Variants in MAP3K20 observed in about 807,000 individuals in gnomAD.
MAP3K20 encodes the protein mitogen-activated protein kinase kinase kinase 20, also known as HCCS-4.
MAP3K20 carries 40 observed loss-of-function variants against 85.7 expected under a neutral mutation model. The observed-to-expected ratio is 0.47, with a 90% CI of 0.36 to 0.61. The LOEUF is 0.61. Among genes scored for constraint, MAP3K20 ranks in the 20% least tolerant of loss-of-function variants. The pLI is 0.00. For missense variants in MAP3K20, 817 were observed against 961.7 expected (o/e 0.85, Z 1.99); for synonymous variants, 325 against 327.7 (o/e 0.99, Z 0.09).
rs547747682 is a variant in MAP3K20 at position 173,138,255 on chromosome 2, T to C, written c.160-31550T>C. Among the ~76,000 whole-genome samples the C allele has an allele frequency of 4.7e-4, 72 of 152,290 alleles. 1 individual carries two copies. The Middle Eastern group carries it at 0.017, about 36-fold the overall frequency. ...AAGTGCTGGGATTATAGGCGTGAGC[T>C]ACCGTGCCTGGCAAATACTTGTGAT... On this transcript the variant is annotated intron_variant, in intron 2 of 19. Transcript: ENST00000375213.
rs1298790898 is a variant in MAP3K20 at position 173,077,083 on chromosome 2, G to C, written c.-35+1081G>C. ...AACACAATTTAGGGGCCCATTCCAA[G>C]TATGGTACAGTAAGCAGCTCTCGAT... On this transcript the variant is annotated intron_variant, in intron 1 of 19. Transcript: ENST00000375213. Among the ~76,000 whole-genome samples, 5 of 152,278 alleles carry C rather than the reference G, an allele frequency of 3.3e-5. No individual in the cohort carries two copies. The East Asian group carries it at 9.6e-4, about 29-fold the overall frequency.
intron 5 of MAP3K20, among the ~76,000 whole-genome samples, chr2:173,189,835 C>G (rs1028287990): frequency 6.6e-6 from 1 of 152,144 alleles, no homozygotes; most frequent in Non-Finnish European, 1.5e-5. Flanking sequence ...CCTAGGTGAT[C>G]CTACATCCTA....
At position 173,206,899 on chromosome 2, in the gene MAP3K20, T is replaced by C. The variant is rs533798608; in HGVS notation, c.745-2830T>C. 1.3e-5 allele frequency among the ~76,000 whole-genome samples: 2 copies of C among 151,222 alleles called. 1 individual carries two copies. Among genetic ancestry groups the C allele is most frequent in the South Asian group, 4.2e-4 (2 of 4,740 alleles). On this transcript the variant is annotated intron_variant, in intron 9 of 19. Coordinates refer to ENST00000375213, the MANE Select transcript of MAP3K20 (RefSeq NM_016653.3). Reference sequence around the variant, plus strand: ...TTCAACCAGAAGTTAGTGCCAGTCCTATGCACATATGTAGAGCAATAAAGT... The same window carrying C: ...TTCAACCAGAAGTTAGTGCCAGTCCCATGCACATATGTAGAGCAATAAAGT...
chr2:173,134,418 A>ATTTTTTTTT (rs1559246078), intron 2 of MAP3K20, among the ~76,000 whole-genome samples: 6 of 6,148 alleles, frequency 9.8e-4, no homozygotes, highest in Middle Eastern at 0.25. Flanking sequence ...ATATATATAT[A>ATTTTTTTTT]TATATATATA....
intron 7 of MAP3K20, among the ~76,000 whole-genome samples, chr2:173,197,296 C>G (rs1401807963): frequency 6.6e-6 from 1 of 152,166 alleles, no homozygotes; most frequent in African/African-American, 2.4e-5. Context: ...GCATTCCACT[C>G]AGATTTAATA....
chr2:173,162,006 A>G (rs1689673614), intron 2 of MAP3K20, among the ~76,000 whole-genome samples: 2 of 152,226 alleles, frequency 1.3e-5, no homozygotes, highest in Non-Finnish European at 2.9e-5. Flanking sequence ...TATATATTAC[A>G]TATAACATGC....
intron 2 of MAP3K20, among the ~76,000 whole-genome samples, chr2:173,145,651 A>G (rs1002455476): frequency 2.6e-5 from 4 of 152,194 alleles, no homozygotes; most frequent in African/African-American, 4.8e-5. Context: ...GCACATTCTC[A>G]TATGTTTTTG....
At chr2:173,266,005 G>A in intron 19 of MAP3K20, 45 bp from the exon 20 acceptor site, 1 of 1,518,374 alleles carries the variant, frequency 6.6e-7, no homozygotes, top group South Asian at 1.3e-5. Context: ...TAGACATGCA[G>A]CTTTAGTGTG....
intron 2 of MAP3K20, among the ~76,000 whole-genome samples, chr2:173,120,776 C>T (rs759871523): frequency 5.5e-5 from 7 of 127,746 alleles, no homozygotes; most frequent in African/African-American, 2.1e-4. Flanking sequence ...GGCATGATCT[C>T]GGCTCACTGC....
rs1000875453 is a variant in MAP3K20 at position 173,151,632 on chromosome 2, G to A, written c.160-18173G>A. On this transcript the variant is annotated intron_variant, in intron 2 of 19. Coordinates refer to ENST00000375213, the MANE Select transcript of MAP3K20 (RefSeq NM_016653.3). ...TAACATTATCGAAATGTGCAGGCAT[G>A]TACATCTATGTGATTTTGAGAATTT... Among the ~76,000 whole-genome samples, 4 of 152,230 alleles carry A rather than the reference G, an allele frequency of 2.6e-5. No individual in the cohort carries two copies. The East Asian group carries it at 7.7e-4, about 29-fold the overall frequency.
intron 11 of MAP3K20, among the ~76,000 whole-genome samples, chr2:173,228,660 T>C (rs372806912): frequency 1.3e-5 from 2 of 152,160 alleles, no homozygotes; most frequent in East Asian, 3.9e-4. Context: ...TTTATAACTG[T>C]ATTAGTCCCA....
intron 5 of MAP3K20, among the ~76,000 whole-genome samples, chr2:173,190,171 T>C (rs1475005990): frequency 1.3e-5 from 2 of 152,212 alleles, no homozygotes; most frequent in Admixed American, 6.5e-5. Flanking sequence ...CTCCTCTTCC[T>C]GGTTAACTCC....
chr2:173,110,241 ATTTTTTTTTTTTT>A (rs1163430418), intron 2 of MAP3K20, among the ~76,000 whole-genome samples: 1 of 14,228 alleles, frequency 7.0e-5, no homozygotes, highest in South Asian at 5.3e-3. Context: ...ATATATATAT[ATTTTTTTTTTTTT>A]TTTTTTTTTT....
At position 173,210,034 on chromosome 2, in the gene MAP3K20, T is replaced by G. The variant is rs576824306; in HGVS notation, c.851+199T>G. 1.4e-4 allele frequency: 81 copies of G among 574,126 alleles called. 1 individual carries two copies. In the South Asian group the frequency reaches 1.6e-3, roughly 11 times the overall value. The allele number at this position is 574,126 out of a possible 1,614,324, so 35.6% of individuals were successfully genotyped here. ...AGCAAGAAATAGTGTTTCTCCAAGCTTGTTGCCTTGTGTAAGTATTTGAAA... is the reference window on the plus strand; with the variant it reads ...AGCAAGAAATAGTGTTTCTCCAAGCGTGTTGCCTTGTGTAAGTATTTGAAA... On this transcript the variant is annotated intron_variant, in intron 10 of 19. Coordinates refer to ENST00000375213, the MANE Select transcript of MAP3K20 (RefSeq NM_016653.3).
At chr2:173,083,879 C>T (rs1046306359) in intron 1 of MAP3K20, among the ~76,000 whole-genome samples, 3 of 152,024 alleles carry the variant, frequency 2.0e-5, no homozygotes, top group Non-Finnish European at 2.9e-5. Context: ...CATGATAAAA[C>T]GTGTAAGTTT....
At chr2:173,075,658 C>T (rs866277006), upstream of MAP3K20, 19 of 909,016 alleles carry the variant, frequency 2.1e-5, no homozygotes, top group African/African-American at 3.0e-4. Context: ...GCCCTCCCCC[C>T]ACAGCAAGGC....
At chr2:173,102,105 A>G (rs1255163438) in intron 2 of MAP3K20, among the ~76,000 whole-genome samples, 3 of 152,140 alleles carry the variant, frequency 2.0e-5, no homozygotes, top group Admixed American at 6.5e-5. Context: ...TGATCTTTGT[A>G]CTTTCTGGAC....
intron 2 of MAP3K20, among the ~76,000 whole-genome samples, chr2:173,153,781 C>T (rs1689373957): frequency 6.6e-6 from 1 of 152,204 alleles, no homozygotes; most frequent in African/African-American, 2.4e-5. Flanking sequence ...ACAGAACCTA[C>T]ATGTATCCTC....
chr2:173,205,225 G>GT (rs201918377), intron 9 of MAP3K20, among the ~76,000 whole-genome samples: 3,586 of 152,076 alleles, frequency 0.024, 120 homozygotes, highest in Admixed American at 0.09. Context: ...AATTTGTCCA[G>GT]TTTTTTGTGG....
Sources: gnomAD v4.1 joint callset for allele counts (sites outside exome capture counted in the v4.1 genomes callset) on GRCh38, gnomAD v4.1.1 for gene constraint, MANE v1.5 for transcripts, NCBI Gene and HGNC (gene_info 2026-07-23, HGNC 2026-07-21) for gene names.